The following VWA5A variants were observed in gnomAD, a reference collection of about 807,000 sequenced individuals.
VWA5A encodes the protein von Willebrand factor A domain-containing protein 5A.
In VWA5A, 77 loss-of-function variants were observed where a neutral mutation model predicts 84.6. The ratio of observed to expected loss-of-function variants is 0.91; its 90% CI spans 0.76 to 1.10. The LOEUF (loss-of-function observed/expected upper bound fraction) is 1.10, where lower values mean the gene tolerates loss of function less well. Ranked by LOEUF, VWA5A falls within the 50% of genes least tolerant of loss-of-function variation. The probability of loss-of-function intolerance (pLI) is 0.00; values close to 1 mark genes in which losing one functional copy is unlikely to be tolerated. For synonymous variants in VWA5A, 334 were observed against 350.1 expected, an observed-to-expected ratio of 0.95 and a Z score of 0.51; for missense variants, 973 against 963.0, an observed-to-expected ratio of 1.01 and a Z score of -0.14.
chr11:124,138,648 G>C (rs1309642927), intron 15 of VWA5A, among the ~76,000 whole-genome samples: 1 of 151,962 alleles, frequency 6.6e-6, no homozygotes, highest in Non-Finnish European at 1.5e-5. Context: ...TTGCTTTCTT[G>C]GTTTTGAGTT....
intron 11 of VWA5A, among the ~76,000 whole-genome samples, chr11:124,129,507 GA>G (rs1328400863): frequency 6.6e-6 from 1 of 152,160 alleles, no homozygotes; most frequent in Non-Finnish European, 1.5e-5. Flanking sequence ...ATGAGTTAGG[GA>G]GGATTCCCTC....
intron 18 of VWA5A, 27 bp from the exon 19 acceptor site, chr11:124,145,839 C>G (rs751896666): frequency 1.3e-6 from 2 of 1,561,588 alleles, no homozygotes; most frequent in Non-Finnish European, 1.7e-6. Context: ...ATCCTTCATC[C>G]CTGCTTCTTG....
intron 11 of VWA5A, 64 bp from the exon 12 acceptor site, chr11:124,134,856 G>T: frequency 7.9e-7 from 1 of 1,272,112 alleles, no homozygotes; most frequent in Admixed American, 2.3e-5. Context: ...TGGCCATTAT[G>T]TATTAATTTT....
Position 124,118,742 on chromosome 11 carries a change from C to T in VWA5A, c.645+34C>T, listed in dbSNP as rs765606497. 2.8e-5 allele frequency: 44 copies of T among 1,590,924 alleles called. No homozygotes were observed. In the South Asian group the frequency reaches 3.9e-4, roughly 14 times the overall value. ...TGAGAGAATACTGCTATTGTCAGTA[C>T]CTCTGTTGCTTGAGTCTTGACTTGG... On this transcript the variant is annotated intron_variant, in intron 6 of 18. Transcript: ENST00000456829.
At position 124,135,120 on chromosome 11, in the gene VWA5A, G is replaced by A. The variant is rs1865154947; in HGVS notation, c.1359+86G>A. 6 of 1,102,816 alleles carry A rather than the reference G, an allele frequency of 5.4e-6. No individual in the cohort carries two copies. In the South Asian group the frequency reaches 6.7e-5, roughly 12 times the overall value. The allele number at this position is 1,102,816 out of a possible 1,614,324, so 68.3% of individuals were successfully genotyped here. A position where few individuals can be genotyped will look rare whatever the true frequency, so the allele number is the denominator to read the frequency against. The stretch of plus-strand genomic sequence containing the variant: ...GTGGGGAACACTGTGTAAGGGCAGG[G>A]GTAGCAACTTTCCTCCAGGATACCT... On this transcript the variant is annotated intron_variant, in intron 12 of 18. Coordinates refer to ENST00000456829, the MANE Select transcript of VWA5A (RefSeq NM_001130142.2).
rs756288588 is a variant in VWA5A at position 124,124,249 on chromosome 11, A to T, written c.1177A>T (p.Thr393Ser). ...PGHPLQLFVF[T>S]DGEVTDTFSV... ...TTTCTTTGTATAGCTTTTTGTCTTTACAGATGGAGAAGTTACAGACACGTT... is the reference window on the plus strand; with the variant it reads ...TTTCTTTGTATAGCTTTTTGTCTTTTCAGATGGAGAAGTTACAGACACGTT... The change falls in exon 11 of 19, where the codon ACA (threonine) becomes TCA (serine). Residue 393 changes from threonine (T) to serine (S), a missense_variant. Physicochemically the swap from Thr to Ser is moderately conservative, Grantham distance 58 (BLOSUM62 1). Coordinates refer to ENST00000456829, the MANE Select transcript of VWA5A (RefSeq NM_001130142.2). The T allele has an allele frequency of 6.2e-7, 1 of 1,613,780 alleles. No individual in the cohort carries two copies. Among genetic ancestry groups the T allele is most frequent in the Non-Finnish European group, 8.5e-7 (1 of 1,179,848 alleles).
rs530640452 is a variant in VWA5A, at chr11:124,123,528, A to C, written c.1019+74A>C. ...AAGGGACTAAATTGTTAAAGGGGTT[A>C]CTGCGGAGTTGACTTTGGCATTGGG... is the stretch of plus-strand genomic sequence containing the variant. On this transcript the variant is annotated intron_variant, in intron 9 of 18. Coordinates refer to ENST00000456829, the MANE Select transcript of VWA5A (RefSeq NM_001130142.2). 3.4e-5 allele frequency: 54 copies of C among 1,599,328 alleles called. No individual in the cohort carries two copies. In the African/African-American group the frequency reaches 5.2e-4, roughly 15 times the overall value.
chr11:124,118,957 T>C lies in VWA5A; in HGVS notation c.646-18T>C. 6.2e-7 allele frequency: 1 copy of C among 1,610,844 alleles called. No individual in the cohort carries two copies. Among genetic ancestry groups the C allele is most frequent in the Non-Finnish European group, 8.5e-7 (1 of 1,177,500 alleles). ...AGTTATGATTCTAATGTGGCTCCTT[T>C]ACCTGTCCTCCACTCAGGTTTCCCT... On this transcript the variant is annotated intron_variant, in intron 6 of 18. Transcript: ENST00000456829.
intron 18 of VWA5A, among the ~76,000 whole-genome samples, 164 bp downstream of exon 18, chr11:124,145,527 T>C (rs61475401): frequency 1.3e-5 from 2 of 151,806 alleles, no homozygotes; most frequent in Admixed American, 1.3e-4. Flanking sequence ...AATATTAAAT[T>C]GGGGACAAGG....
intron 11 of VWA5A, among the ~76,000 whole-genome samples, chr11:124,129,684 G>T (rs375555111): frequency 2.0e-5 from 3 of 151,886 alleles, no homozygotes; most frequent in South Asian, 2.1e-4. Flanking sequence ...TCAGGGATTC[G>T]ACTTCTTCCT....
At position 124,142,575 on chromosome 11, in the gene VWA5A, A is replaced by C; in HGVS notation, c.2154+3A>C. Reference sequence around the variant, plus strand: ...TAATGGCTGCACAGCCTGCCGAGGTAAGATTCAATGGAAAAAGGAGTATGT... The same window carrying C: ...TAATGGCTGCACAGCCTGCCGAGGTCAGATTCAATGGAAAAAGGAGTATGT... On this transcript the variant is annotated splice_donor_region_variant and intron_variant, in intron 17 of 18. Coordinates refer to ENST00000456829, the MANE Select transcript of VWA5A (RefSeq NM_001130142.2). The C allele has an allele frequency of 1.2e-6, 2 of 1,614,106 alleles. No homozygotes were observed. Among genetic ancestry groups the C allele is most frequent in the Non-Finnish European group, 1.7e-6 (2 of 1,179,988 alleles).
chr11:124,118,840 T>C, intron 6 of VWA5A, 132 bp downstream of exon 6: 1 of 1,347,220 alleles, frequency 7.4e-7, no homozygotes, highest in Non-Finnish European at 1.0e-6. Flanking sequence ...TCATTTAATC[T>C]CCAGAGCCTT....
chr11:124,145,394 T>C, intron 18 of VWA5A, 31 bp downstream of exon 18: 1 of 1,579,854 alleles, frequency 6.3e-7, no homozygotes, highest in Non-Finnish European at 8.6e-7. Flanking sequence ...CCTGTCTCCT[T>C]CCCCTTCCCT....
chr11:124,136,540 TG>T, intron 13 of VWA5A, 33 bp from the exon 14 acceptor site: 1 of 1,597,448 alleles, frequency 6.3e-7, no homozygotes, highest in Non-Finnish European at 8.6e-7. Context: ...GAACATTACA[TG>T]TTCCGTCATT....
chr11:124,118,655 A>G lies in VWA5A; in HGVS notation c.592A>G (p.Asn198Asp), dbSNP rs552259935. 8.1e-6 allele frequency: 13 copies of G among 1,614,144 alleles called. No homozygotes were observed. In the East Asian group the frequency reaches 1.1e-4, roughly 14 times the overall value. ...SQHGIEKVQS[N>D]CPLSPTEYLG... is the part of the protein sequence containing the mutation. ...GCATGGCATTGAGAAGGTCCAATCC[A>G]ACTGCCCCTTGAGTCCTACCGAGTA... is the stretch of plus-strand genomic sequence containing the variant. The change falls in exon 6 of 19, where the codon AAC becomes GAC. Residue 198 changes from asparagine to aspartate, a missense_variant. Asn to Asp is a conservative substitution (Grantham distance 23, BLOSUM62 1). Transcript: ENST00000456829.
intron 6 of VWA5A, 121 bp downstream of exon 6, chr11:124,118,829 G>A (rs920890357): frequency 4.6e-5 from 63 of 1,367,134 alleles, no homozygotes; most frequent in Middle Eastern, 2.0e-4. Context: ...CTTGCATATC[G>A]TCATTTAATC....
chr11:124,116,767 T>G (rs1864837503), intron 2 of VWA5A, 87 bp downstream of exon 2: 1 of 152,174 alleles, frequency 6.6e-6, no homozygotes, highest in Non-Finnish European at 1.5e-5. Context: ...ATTGGTGCTG[T>G]TTAGTGGGGG....
At position 124,141,616 on chromosome 11, in the gene VWA5A, A is replaced by C. The variant is rs759151479; in HGVS notation, c.1898A>C (p.His633Pro). 1.9e-6 allele frequency: 3 copies of C among 1,613,954 alleles called. No homozygotes were observed. Among genetic ancestry groups the C allele is most frequent in the African/African-American group, 2.7e-5 (2 of 74,862 alleles). ...KCQSGFRKAL[H>P]SDRPPSASQP... is the part of the protein sequence containing the mutation. Reference sequence around the variant, plus strand: ...TTTTCAGGTTTTCGAAAGGCCTTACACTCTGACCGTCCTCCTTCTGCATCT... The same window carrying C: ...TTTTCAGGTTTTCGAAAGGCCTTACCCTCTGACCGTCCTCCTTCTGCATCT... The change falls in exon 16 of 19, where the codon CAC becomes CCC. Residue 633 changes from histidine (H) to proline (P), a missense_variant. His to Pro is a moderately conservative substitution (Grantham distance 77, BLOSUM62 -2). Coordinates refer to ENST00000456829, the MANE Select transcript of VWA5A (RefSeq NM_001130142.2).
chr11:124,123,033 C>T lies in VWA5A; in HGVS notation c.834C>T (p.Thr278=). 6.2e-7 allele frequency: 1 copy of T among 1,614,064 alleles called. No individual in the cohort carries two copies. The highest frequency in any genetic ancestry group is 8.5e-7 in the Non-Finnish European group (1 of 1,180,014). ...TCCCAGAAGATCAACCATCAAATAC[C>T]TGTGGAGAGTTTATCTTTCTCATGG... ...PNIPEDQPSN[T]CGEFIFLMDR... is the part of the protein sequence containing the mutation. The change falls in exon 8 of 19, where the codon ACC becomes ACT. Residue 278 remains threonine (T), a synonymous_variant. Coordinates refer to ENST00000456829, the MANE Select transcript of VWA5A (RefSeq NM_001130142.2).
Sources: gnomAD v4.1 joint callset for allele counts (sites outside exome capture counted in the v4.1 genomes callset) on GRCh38, gnomAD v4.1.1 for gene constraint, MANE v1.5 for transcripts, NCBI Gene and HGNC (gene_info 2026-07-23, HGNC 2026-07-21) for gene names.